PALLD: variants seen among roughly 807,000 people sequenced by gnomAD.
PALLD encodes palladin.
Under a neutral mutation model 123.5 loss-of-function variants are expected in PALLD, and 61 were observed. The ratio of observed to expected loss-of-function variants is 0.49; its 90% CI spans 0.40 to 0.61. The LOEUF (loss-of-function observed/expected upper bound fraction) is 0.61. Ranked by LOEUF, PALLD falls within the 20% of genes least tolerant of loss-of-function variation. The pLI, the probability that PALLD is intolerant of heterozygous loss-of-function variation, is 0.00. For synonymous variants in PALLD, 465 were observed against 496.4 expected (o/e 0.94, Z 0.84); for missense variants, 1,273 against 1,377.0 (o/e 0.92, Z 1.20).
intron 17 of PALLD, among the ~76,000 whole-genome samples, chr4:168,918,804 CACTT>C (rs1266419143): frequency 6.6e-6 from 1 of 151,982 alleles, no homozygotes; most frequent in Non-Finnish European, 1.5e-5. Flanking sequence ...AATTAAAAAA[CACTT>C]AAAAAAATTC....
intron 8 of PALLD, among the ~76,000 whole-genome samples, chr4:168,693,692 A>G (rs760878399): frequency 6.6e-6 from 1 of 152,196 alleles, no homozygotes; most frequent in Non-Finnish European, 1.5e-5. Context: ...AAAAAATATT[A>G]TATAGTCAGG....
At chr4:168,629,378 T>G (rs1005975051) in intron 2 of PALLD, among the ~76,000 whole-genome samples, 28 of 152,242 alleles carry the variant, frequency 1.8e-4, no homozygotes, top group Admixed American at 3.9e-4. Context: ...AAAAGAAACC[T>G]GGAAGTCTAC....
At chr4:168,633,807 G>A (rs1776069438) in intron 2 of PALLD, among the ~76,000 whole-genome samples, 1 of 152,010 alleles carries the variant, frequency 6.6e-6, no homozygotes, top group African/African-American at 2.4e-5. Context: ...ATTTTTATTT[G>A]GACAATTTTT....
At chr4:168,841,851 T>G (rs1294092769) in intron 10 of PALLD, among the ~76,000 whole-genome samples, 1 of 152,258 alleles carries the variant, frequency 6.6e-6, no homozygotes, top group Non-Finnish European at 1.5e-5. Context: ...CATAGCAGTC[T>G]ACTGAAATCT....
At chr4:168,556,167 C>A (rs559969354) in intron 2 of PALLD, among the ~76,000 whole-genome samples, 1 of 152,038 alleles carries the variant, frequency 6.6e-6, no homozygotes, top group African/African-American at 2.4e-5. Context: ...GCAATCTCGG[C>A]TCACTGCAGG....
chr4:168,733,510 T>C (rs1475582636), intron 10 of PALLD, among the ~76,000 whole-genome samples: 1 of 151,924 alleles, frequency 6.6e-6, no homozygotes, highest in African/African-American at 2.4e-5. Context: ...TTGATCATAA[T>C]TGTAAAATAT....
At chr4:168,717,222 A>T (rs1785446847) in intron 10 of PALLD, among the ~76,000 whole-genome samples, 1 of 152,216 alleles carries the variant, frequency 6.6e-6, no homozygotes, top group South Asian at 2.1e-4. Context: ...GGCCTGACAA[A>T]TAGTAGATGC....
At chr4:168,530,497 TC>T (rs1192195378) in intron 2 of PALLD, 1 of 152,190 alleles carries the variant, frequency 6.6e-6, no homozygotes, top group East Asian at 1.9e-4. Flanking sequence ...TATAATTGGC[TC>T]CTCCCCTCGC....
At chr4:168,886,810 G>C (rs747495750) in intron 10 of PALLD, among the ~76,000 whole-genome samples, 3 of 152,068 alleles carry the variant, frequency 2.0e-5, no homozygotes, top group Non-Finnish European at 4.4e-5. Context: ...TTGATATGTT[G>C]AAGGAAGTGA....
chr4:168,741,590 T>C (rs983910057), intron 10 of PALLD, among the ~76,000 whole-genome samples: 3 of 151,630 alleles, frequency 2.0e-5, no homozygotes, highest in African/African-American at 7.3e-5. Context: ...GACAGTGAGG[T>C]GGAGGATCAC....
intron 10 of PALLD, among the ~76,000 whole-genome samples, chr4:168,759,995 A>G (rs1325619777): frequency 6.6e-6 from 1 of 151,762 alleles, no homozygotes; most frequent in Non-Finnish European, 1.5e-5. Flanking sequence ...CAGAGGTTGC[A>G]GTGAGCTGAG....
intron 10 of PALLD, among the ~76,000 whole-genome samples, chr4:168,870,911 T>C (rs1750988261): frequency 6.6e-6 from 1 of 152,190 alleles, no homozygotes; most frequent in Non-Finnish European, 1.5e-5. Context: ...CTGAATGCCA[T>C]AGAGCTTGAT....
At chr4:168,711,240 C>T (rs1021490229) in intron 9 of PALLD, among the ~76,000 whole-genome samples, 11 of 152,184 alleles carry the variant, frequency 7.2e-5, no homozygotes, top group Admixed American at 2.6e-4. Flanking sequence ...TGGACCAAAA[C>T]GTGAGAGGAC....
At chr4:168,695,199 C>A (rs1229202886) in intron 8 of PALLD, among the ~76,000 whole-genome samples, 1 of 152,092 alleles carries the variant, frequency 6.6e-6, no homozygotes, top group Non-Finnish European at 1.5e-5. Flanking sequence ...GGCTTTGATT[C>A]TCTGATTCAA....
intron 8 of PALLD, among the ~76,000 whole-genome samples, chr4:168,699,697 A>C (rs555849412): frequency 6.6e-6 from 1 of 152,182 alleles, no homozygotes; most frequent in Non-Finnish European, 1.5e-5. Flanking sequence ...AGGAACTTGA[A>C]TGCAATTCAA....
In PALLD at chr4:168,744,381, A is replaced by G. The variant is rs532061800; in HGVS notation, c.1964+32458A>G. 2.9e-4 allele frequency among the ~76,000 whole-genome samples: 44 copies of G among 152,296 alleles called. No homozygotes were observed. In the South Asian group the frequency reaches 8.3e-3, roughly 29 times the overall value. On this transcript the variant is annotated intron_variant, in intron 10 of 21. Transcript: ENST00000505667. ...TTCTTTCTTCTCTGTACCATGGTCA[A>G]TCTACAGGGTGCCTGCACATCCTCC...
chr4:168,838,574 G>A (rs1032618071), intron 10 of PALLD, among the ~76,000 whole-genome samples: 1 of 151,616 alleles, frequency 6.6e-6, no homozygotes, highest in South Asian at 2.1e-4. Flanking sequence ...ATCTGCCCAT[G>A]GTCAAATTCT....
chr4:168,649,426 A>G (rs866728444), intron 2 of PALLD, among the ~76,000 whole-genome samples: 2 of 152,200 alleles, frequency 1.3e-5, no homozygotes, highest in Non-Finnish European at 2.9e-5. Context: ...ACAAAGGCCA[A>G]TATTATGAAC....
intron 2 of PALLD, among the ~76,000 whole-genome samples, chr4:168,599,348 T>A (rs1253715792): frequency 6.6e-6 from 1 of 152,198 alleles, no homozygotes; most frequent in Non-Finnish European, 1.5e-5. Flanking sequence ...AAGGTGAAAG[T>A]CAAAATTCTA....
Sources: allele counts gnomAD v4.1 joint callset (sites outside exome capture counted in the v4.1 genomes callset), GRCh38; gene constraint gnomAD v4.1.1; transcripts MANE v1.5; gene names NCBI Gene and HGNC (gene_info 2026-07-23, HGNC 2026-07-21).